The following CCDC102B variants were observed in gnomAD, a reference collection of about 807,000 sequenced individuals.
CCDC102B encodes coiled-coil domain-containing protein 102B.
In CCDC102B, 75 loss-of-function variants were observed where a neutral mutation model predicts 57.4. The ratio of observed to expected loss-of-function variants is 1.31; its 90% CI spans 1.08 to 1.58. The LOEUF (loss-of-function observed/expected upper bound fraction) is 1.58, where lower values mean the gene tolerates loss of function less well. Among genes scored for constraint, CCDC102B ranks in the 40% most tolerant of loss-of-function variants. The pLI is 0.00. For missense variants in CCDC102B, 636 were observed against 582.6 expected (o/e 1.09, Z -0.94); for synonymous variants, 206 against 201.9 (o/e 1.02, Z -0.17).
At chr18:69,049,410 T>A (rs1422121596) in intron 7 of CCDC102B, among the ~76,000 whole-genome samples, 1 of 152,172 alleles carries the variant, frequency 6.6e-6, no homozygotes, top group East Asian at 1.9e-4. Context: ...TAATAAATAC[T>A]GAAATTATTG....
At chr18:68,792,616 AT>A (rs1188442708) in intron 2 of CCDC102B, among the ~76,000 whole-genome samples, 2 of 152,112 alleles carry the variant, frequency 1.3e-5, no homozygotes, top group African/African-American at 4.8e-5. Context: ...ACTTATATCC[AT>A]TATTTCTTAA....
chr18:68,810,498 A>C (rs1316591426), intron 1 of CCDC102B, among the ~76,000 whole-genome samples: 2 of 152,036 alleles, frequency 1.3e-5, no homozygotes, highest in African/African-American at 4.8e-5. Flanking sequence ...TATGTGCCTT[A>C]ATCCAGGAAA....
intron 2 of CCDC102B, among the ~76,000 whole-genome samples, chr18:68,741,047 G>T (rs2033357438): frequency 6.6e-6 from 1 of 152,116 alleles, no homozygotes; most frequent in African/African-American, 2.4e-5. Context: ...GCTCTGTTAG[G>T]GCCAGTCTAG....
At chr18:69,019,705 A>G (rs2145416448) in intron 7 of CCDC102B, among the ~76,000 whole-genome samples, 1 of 152,238 alleles carries the variant, frequency 6.6e-6, no homozygotes, top group South Asian at 2.1e-4. Flanking sequence ...CAATTTAGAC[A>G]GCTTTCATTT....
At chr18:68,960,286 G>C (rs549319789) in intron 6 of CCDC102B, among the ~76,000 whole-genome samples, 11 of 152,150 alleles carry the variant, frequency 7.2e-5, no homozygotes, top group African/African-American at 2.7e-4. Context: ...AAGAAATTAT[G>C]AATCCTCACC....
At chr18:68,924,028 C>T (rs12455027) in intron 6 of CCDC102B, among the ~76,000 whole-genome samples, 43,256 of 151,678 alleles carry the variant, frequency 0.29, 6,967 homozygotes, top group East Asian at 0.62. Context: ...AAGGAACTCT[C>T]GTAGGATTAA....
At chr18:68,728,885 G>A (rs1412348840) in intron 2 of CCDC102B, among the ~76,000 whole-genome samples, 1 of 151,878 alleles carries the variant, frequency 6.6e-6, no homozygotes, top group Non-Finnish European at 1.5e-5. Context: ...GTGTAAGGAT[G>A]GGAAAGGAAA....
chr18:69,008,955 G>C (rs1441260296), intron 6 of CCDC102B, among the ~76,000 whole-genome samples: 8 of 152,222 alleles, frequency 5.3e-5, no homozygotes, highest in African/African-American at 1.9e-4. Context: ...CCATTTCAGG[G>C]ACATTTAGTT....
chr18:69,007,948 C>A (rs1023435282), intron 6 of CCDC102B, among the ~76,000 whole-genome samples: 2 of 152,136 alleles, frequency 1.3e-5, no homozygotes, highest in East Asian at 1.9e-4. Flanking sequence ...CCTTTTAAAT[C>A]GGTCTAAGTA....
chr18:69,032,130 G>A (rs532589262), intron 7 of CCDC102B, among the ~76,000 whole-genome samples: 1 of 152,046 alleles, frequency 6.6e-6, no homozygotes, highest in Non-Finnish European at 1.5e-5. Context: ...CTCTCATTGA[G>A]TTTTTTTGAT....
chr18:68,993,644 T>C (rs941286845), intron 6 of CCDC102B, among the ~76,000 whole-genome samples: 2 of 152,228 alleles, frequency 1.3e-5, no homozygotes, highest in African/African-American at 4.8e-5. Flanking sequence ...CAGATGTATG[T>C]ATATTGATAA....
intron 5 of CCDC102B, among the ~76,000 whole-genome samples, chr18:68,888,266 G>A (rs780548387): frequency 1.4e-4 from 22 of 152,202 alleles, no homozygotes; most frequent in South Asian, 1.2e-3. Context: ...TAGTTAATGC[G>A]TCAGGTGTTA....
At chr18:68,867,834 T>TGA (rs1490832253) in intron 4 of CCDC102B, among the ~76,000 whole-genome samples, 1 of 151,840 alleles carries the variant, frequency 6.6e-6, no homozygotes, top group Non-Finnish European at 1.5e-5. Context: ...CTCGACAGGC[T>TGA]GAGGCAGGAG....
At chr18:68,802,668 A>G (rs1290001192) in intron 1 of CCDC102B, among the ~76,000 whole-genome samples, 2 of 152,166 alleles carry the variant, frequency 1.3e-5, no homozygotes, top group African/African-American at 4.8e-5. Flanking sequence ...TTCATTGTCT[A>G]TGGTTGGCCG....
chr18:68,898,822 A>G (rs1187915733), intron 6 of CCDC102B, among the ~76,000 whole-genome samples: 1 of 152,186 alleles, frequency 6.6e-6, no homozygotes, highest in Non-Finnish European at 1.5e-5. Context: ...GGGGACACAG[A>G]TTAAGAAGCA....
At chr18:68,956,406 TTTATATATA>T (rs1305255812) in intron 6 of CCDC102B, among the ~76,000 whole-genome samples, 2 of 78,384 alleles carry the variant, frequency 2.6e-5, no homozygotes, top group Non-Finnish European at 4.3e-5. Context: ...ATAAATATAT[TTTATATATA>T]TTATATATAT....
At chr18:68,771,071 T>C (rs2034623666) in intron 2 of CCDC102B, among the ~76,000 whole-genome samples, 1 of 152,204 alleles carries the variant, frequency 6.6e-6, no homozygotes, top group Non-Finnish European at 1.5e-5. Context: ...ACTGAGAAGA[T>C]AGATTTGGGG....
At chr18:69,029,951 T>A (rs2052094628) in intron 7 of CCDC102B, among the ~76,000 whole-genome samples, 1 of 152,222 alleles carries the variant, frequency 6.6e-6, no homozygotes, top group East Asian at 1.9e-4. Context: ...CTGAGTTTCC[T>A]TTGACTTTTC....
intron 4 of CCDC102B, among the ~76,000 whole-genome samples, chr18:68,863,575 C>T (rs1002501599): frequency 4.6e-5 from 7 of 151,918 alleles, no homozygotes; most frequent in African/African-American, 1.7e-4. Flanking sequence ...AAGAGAACTT[C>T]ATCTCATATA....
Sources: allele counts gnomAD v4.1 joint callset (sites outside exome capture counted in the v4.1 genomes callset), GRCh38; gene constraint gnomAD v4.1.1; transcripts MANE v1.5; gene names NCBI Gene and HGNC (gene_info 2026-07-23, HGNC 2026-07-21).